Variants in DDX19A observed in about 807,000 individuals in gnomAD.
DDX19A encodes DEAD-box helicase 19A, also known as ATP-dependent RNA helicase DDX19A.
DDX19A carries 12 observed loss-of-function variants against 60.6 expected under a neutral mutation model. That is an observed-to-expected ratio of 0.20 (90% CI 0.13 to 0.32). The LOEUF (loss-of-function observed/expected upper bound fraction) is 0.32, where lower values mean the gene tolerates loss of function less well. Among genes scored for constraint, DDX19A ranks in the 10% least tolerant of loss-of-function variants. The pLI is 1.00. For synonymous variants in DDX19A, 206 were observed against 218.2 expected, an observed-to-expected ratio of 0.94 and a Z score of 0.49; for missense variants, 337 against 600.6, an observed-to-expected ratio of 0.56 and a Z score of 4.59.
In DDX19A at chr16:70,372,256, G is replaced by A. The variant is rs2047285627; in HGVS notation, c.*270G>A. The A allele has an allele frequency of 3.6e-6, 2 of 551,536 alleles. No individual in the cohort carries two copies. Among genetic ancestry groups the A allele is most frequent in the Non-Finnish European group, 6.4e-6 (2 of 311,784 alleles). 34.2% of individuals were successfully genotyped at this position (551,536 alleles called of 1,614,324 possible). A position where few individuals can be genotyped will look rare whatever the true frequency, so the allele number is the denominator to read the frequency against. On this transcript the variant is annotated 3_prime_UTR_variant, in exon 12 of 12. Transcript: ENST00000302243. ...CCATCTTTATAATAATCTGGTCACAGTGGTAGTCGCTGGCCCCAGGACCCC... is the reference window on the plus strand; with the variant it reads ...CCATCTTTATAATAATCTGGTCACAATGGTAGTCGCTGGCCCCAGGACCCC...
chr16:70,369,023 A>G (rs1418902976), intron 9 of DDX19A, among the ~76,000 whole-genome samples: 1 of 150,194 alleles, frequency 6.7e-6, no homozygotes, highest in Non-Finnish European at 1.5e-5. Context: ...ATGTGCCACC[A>G]CACCTGGCTA....
chr16:70,356,781 G>C (rs1964201244), intron 4 of DDX19A: 7 of 853,294 alleles, frequency 8.2e-6, no homozygotes, highest in Non-Finnish European at 1.1e-5. Flanking sequence ...TCTCTTGGTA[G>C]GAATTTTTTA....
chr16:70,357,267 A>G (rs1248097816), intron 4 of DDX19A, among the ~76,000 whole-genome samples: 1 of 117,398 alleles, frequency 8.5e-6, no homozygotes, highest in African/African-American at 4.2e-5. Flanking sequence ...TCAAAAAAAA[A>G]AAAATATATA....
At chr16:70,355,328 T>C (rs1964151421) in intron 2 of DDX19A, among the ~76,000 whole-genome samples, 157 bp from the exon 3 acceptor site, 1 of 152,176 alleles carries the variant, frequency 6.6e-6, no homozygotes, top group South Asian at 2.1e-4. Flanking sequence ...TGAGCCAAGG[T>C]TGCGCCATTG....
chr16:70,351,819 C>T (rs1037048469), intron 2 of DDX19A, among the ~76,000 whole-genome samples: 2 of 151,926 alleles, frequency 1.3e-5, no homozygotes, highest in Non-Finnish European at 1.5e-5. Context: ...TGAGCCACCA[C>T]GCCCGGCCAA....
Position 70,372,049 on chromosome 16 carries a change from T to C in DDX19A, c.*63T>C, listed in dbSNP as rs1058432. On this transcript the variant is annotated 3_prime_UTR_variant, in exon 12 of 12. Coordinates refer to ENST00000302243, the MANE Select transcript of DDX19A (RefSeq NM_018332.5). ...CCCCTGCACAGGAGACAAGTGCATT[T>C]AGGGCACAGGCCCCGACATCACCCC... The C allele has an allele frequency of 3.0e-5, 49 of 1,612,646 alleles. No homozygotes were observed. The highest frequency in any genetic ancestry group is 5.0e-5 in the Admixed American group (3 of 60,000).
chr16:70,361,063 ATAATTTATGTAATGCTATGAAT>A (rs1308089649), intron 4 of DDX19A, among the ~76,000 whole-genome samples: 1 of 152,176 alleles, frequency 6.6e-6, no homozygotes, highest in East Asian at 1.9e-4. Flanking sequence ...TATATCTTTT[ATAATTTATGTAATGCTATGAAT>A]TAATAACCAC....
rs1964516626 is a variant in DDX19A, at chr16:70,366,261, A to AG, written c.782+1dup. 1 of 1,613,686 alleles carries AG rather than the reference A, an allele frequency of 6.2e-7. No homozygotes were observed. Among genetic ancestry groups the AG allele is most frequent in the Non-Finnish European group, 8.5e-7 (1 of 1,179,796 alleles). On this transcript the variant is annotated frameshift_variant and splice_region_variant, in exon 8 of 12. Transcript: ENST00000302243. LOFTEE classifies it high-confidence loss of function. ...CCAAGATCAGAGCATCCGCATCCAG[A>AG]GGTAGGGATCTCGAGGGTGGGGGAC...
rs970997450 is a variant in DDX19A at position 70,351,750 on chromosome 16, G to A, written c.106+1145G>A. On this transcript the variant is annotated intron_variant, in intron 2 of 11. Transcript: ENST00000302243. ...TCACCGTGTTAGCCAGGATGGTCTC[G>A]ATGTCCTGACCTCGTGATCCACCCC... Among the ~76,000 whole-genome samples, 6 of 151,564 alleles carry A rather than the reference G, an allele frequency of 4.0e-5. No homozygotes were observed. In the South Asian group the frequency reaches 6.3e-4, roughly 16 times the overall value.
At chr16:70,355,912 T>C (rs141995922) in intron 3 of DDX19A, 200 bp from the exon 4 acceptor site, 22,819 of 668,064 alleles carry the variant, frequency 0.034, 538 homozygotes, top group Non-Finnish European at 0.044. Context: ...CAGTGAGCTC[T>C]GATTGCTCCA....
intron 4 of DDX19A, among the ~76,000 whole-genome samples, chr16:70,360,249 C>T (rs2151637211): frequency 6.6e-6 from 1 of 150,704 alleles, no homozygotes; most frequent in East Asian, 1.9e-4. Flanking sequence ...CTATTGCACT[C>T]TAGCTTGAGC....
At chr16:70,365,834 G>T in intron 7 of DDX19A, 1 of 574,804 alleles carries the variant, frequency 1.7e-6, no homozygotes. Context: ...GATTATAGGA[G>T]GAAGAAGAAG....
At chr16:70,368,909 C>T (rs961665261) in intron 9 of DDX19A, among the ~76,000 whole-genome samples, 1 of 152,108 alleles carries the variant, frequency 6.6e-6, no homozygotes, top group Non-Finnish European at 1.5e-5. Flanking sequence ...TTTTGTTGCC[C>T]AGGCTGGAGT....
At chr16:70,349,993 T>C (rs1248850233) in intron 1 of DDX19A, among the ~76,000 whole-genome samples, 1 of 152,164 alleles carries the variant, frequency 6.6e-6, no homozygotes, top group Non-Finnish European at 1.5e-5. Context: ...AGTGTAGAGA[T>C]AACCAATGAA....
At chr16:70,355,383 A>C in intron 2 of DDX19A, 102 bp from the exon 3 acceptor site, 1 of 948,626 alleles carries the variant, frequency 1.1e-6, no homozygotes, top group Non-Finnish European at 1.6e-6. Flanking sequence ...TCTGAAAAAT[A>C]AAAAAATAAA....
chr16:70,373,312 C>T lies in DDX19A; in HGVS notation c.*1326C>T, dbSNP rs1006700519. The T allele has an allele frequency of 4.6e-5, 7 of 152,116 alleles. No individual in the cohort carries two copies. Among genetic ancestry groups the T allele is most frequent in the African/African-American group, 1.4e-4 (6 of 41,434 alleles). The allele number at this position is 152,116 out of a possible 1,614,324, so 9.4% of individuals were successfully genotyped here. A position where few individuals can be genotyped will look rare whatever the true frequency, so the allele number is the denominator to read the frequency against. ...GACATTTTAAAGTAATTATGAGAAACGCTCTACTAATGATTTGTTTTTATT... is the reference window on the plus strand; with the variant it reads ...GACATTTTAAAGTAATTATGAGAAATGCTCTACTAATGATTTGTTTTTATT... On this transcript the variant is annotated 3_prime_UTR_variant, in exon 12 of 12. Coordinates refer to ENST00000302243, the MANE Select transcript of DDX19A (RefSeq NM_018332.5).
chr16:70,364,717 A>T, intron 6 of DDX19A, 72 bp downstream of exon 6: 2 of 1,159,574 alleles, frequency 1.7e-6, no homozygotes, highest in Admixed American at 3.5e-5. Context: ...GTGAGGAGTA[A>T]CGAGAGGTCT....
chr16:70,355,789 C>T, intron 3 of DDX19A: 1 of 577,174 alleles, frequency 1.7e-6, no homozygotes, highest in South Asian at 2.1e-5. Flanking sequence ...TACTGAGACC[C>T]CATCTCTACA....
intron 9 of DDX19A, among the ~76,000 whole-genome samples, chr16:70,367,223 T>C (rs1421636533): frequency 6.6e-6 from 1 of 150,568 alleles, no homozygotes; most frequent in African/African-American, 2.4e-5. Context: ...GGTCAGGAGA[T>C]CGAGACCATC....
Sources: gnomAD v4.1 joint callset for allele counts (sites outside exome capture counted in the v4.1 genomes callset) on GRCh38, gnomAD v4.1.1 for gene constraint, MANE v1.5 for transcripts, NCBI Gene and HGNC (gene_info 2026-07-23, HGNC 2026-07-21) for gene names.